Variants in PRKCQ observed in about 807,000 individuals in gnomAD.
PRKCQ encodes protein kinase C theta type.
In PRKCQ, 41 loss-of-function variants were observed where a neutral mutation model predicts 91.2. The ratio of observed to expected loss-of-function variants is 0.45; its 90% confidence interval spans 0.35 to 0.58. The LOEUF (loss-of-function observed/expected upper bound fraction) is 0.58, where lower values mean the gene tolerates loss of function less well. PRKCQ is among the 20% of genes least tolerant of loss of function. PRKCQ has a pLI of 0.00. For missense variants in PRKCQ, 673 were observed against 896.5 expected (o/e 0.75, Z 3.18); for synonymous variants, 307 against 316.9 (o/e 0.97, Z 0.33).
intron 15 of PRKCQ, among the ~76,000 whole-genome samples, chr10:6,455,435 A>C (rs921046594): frequency 6.6e-6 from 1 of 152,212 alleles, no homozygotes; most frequent in Non-Finnish European, 1.5e-5. Flanking sequence ...ATATCACCCA[A>C]CCACAGGGCA....
rs752305974 is a variant in PRKCQ at position 6,464,296 on chromosome 10, C to G, written c.1445+17G>C. ...CAAGAACAGTGGAAAACTCCCAAAC[C>G]CTTTAAAGCCTCTTACGTCGCTCTG... is the stretch of plus-strand genomic sequence containing the variant. On this transcript the variant is annotated intron_variant, in intron 13 of 17. Coordinates refer to ENST00000263125, the MANE Select transcript of PRKCQ (RefSeq NM_006257.5). 9.3e-6 allele frequency: 15 copies of G among 1,605,872 alleles called. No homozygotes were observed. Among genetic ancestry groups the G allele is most frequent in the Middle Eastern group, 3.3e-4 (2 of 6,034 alleles).
chr10:6,472,764 G>A (rs533995882), intron 12 of PRKCQ, among the ~76,000 whole-genome samples: 1 of 152,210 alleles, frequency 6.6e-6, no homozygotes, highest in African/African-American at 2.4e-5. Flanking sequence ...CCATGCTGGA[G>A]TGCAGTGGTG....
At chr10:6,394,329 C>T in the PRKCQ span, among the ~76,000 whole-genome samples, 3 of 152,234 alleles carry the variant, frequency 2.0e-5, no homozygotes, top group South Asian at 6.2e-4. Flanking sequence ...TCTGCTTGTG[C>T]ATTCACAGGG....
At chr10:6,460,334 T>C (rs954490137) in intron 14 of PRKCQ, among the ~76,000 whole-genome samples, 4 of 151,984 alleles carry the variant, frequency 2.6e-5, no homozygotes, top group Non-Finnish European at 5.9e-5. Context: ...ATAATTTACA[T>C]GGTGACATGA....
At chr10:6,534,866 C>T (rs990210393) in intron 1 of PRKCQ, among the ~76,000 whole-genome samples, 23 of 149,884 alleles carry the variant, frequency 1.5e-4, no homozygotes, top group African/African-American at 5.4e-4. Flanking sequence ...GAGTAAAATG[C>T]TATCTTTCAG....
intron 1 of PRKCQ, 43 bp downstream of exon 1, chr10:6,580,168 A>G (rs1841415931): frequency 6.5e-6 from 1 of 152,758 alleles, no homozygotes; most frequent in Admixed American, 6.5e-5. Context: ...CGGCCCCTCC[A>G]GCCCGCTCCC....
Position 6,495,583 on chromosome 10 carries a change from A to G in PRKCQ, c.660+1452T>C, listed in dbSNP as rs148260223. Among the ~76,000 whole-genome samples the G allele has an allele frequency of 2.9e-3, 445 of 152,342 alleles. 2 individuals are homozygous for G. Among genetic ancestry groups the G allele is most frequent in the African/African-American group, 0.01 (425 of 41,578 alleles). On this transcript the variant is annotated intron_variant, in intron 7 of 17. Coordinates refer to ENST00000263125, the MANE Select transcript of PRKCQ (RefSeq NM_006257.5). ...GTTCACTATCTTTGTAGCACTTAAT[A>G]TAAATCGAAGCCATACATAGCTGTT...
intron 1 of PRKCQ, among the ~76,000 whole-genome samples, chr10:6,555,737 C>T (rs11259545): frequency 9.3e-4 from 141 of 152,014 alleles, no homozygotes; most frequent in Middle Eastern, 3.4e-3. Flanking sequence ...CAGGTGGGCA[C>T]GGTAGCTCAC....
At chr10:6,442,165 A>C in intron 15 of PRKCQ, 84 bp from the exon 16 acceptor site, 1 of 1,346,048 alleles carries the variant, frequency 7.4e-7, no homozygotes, top group Non-Finnish European at 1.0e-6. Flanking sequence ...AAGGCCACTC[A>C]GTAAATGGTC....
At chr10:6,483,102 G>C (rs1836701720) in intron 11 of PRKCQ, among the ~76,000 whole-genome samples, 1 of 152,176 alleles carries the variant, frequency 6.6e-6, no homozygotes, top group African/African-American at 2.4e-5. Context: ...AGCAAAAGAA[G>C]AGAAAACAAA....
chr10:6,494,254 C>T (rs575428734), intron 7 of PRKCQ, among the ~76,000 whole-genome samples: 43 of 152,194 alleles, frequency 2.8e-4, no homozygotes, highest in Non-Finnish European at 5.0e-4. Flanking sequence ...GGACCAGTCT[C>T]CACCAGAGCT....
intron 1 of PRKCQ, among the ~76,000 whole-genome samples, chr10:6,523,920 T>C (rs1468535594): frequency 6.6e-6 from 1 of 152,142 alleles, no homozygotes; most frequent in African/African-American, 2.4e-5. Context: ...TCCCAGCTTC[T>C]TAACCTGTTA....
chr10:6,414,638 G>A, the PRKCQ span, among the ~76,000 whole-genome samples: 2 of 152,120 alleles, frequency 1.3e-5, no homozygotes, highest in Admixed American at 1.3e-4. Context: ...AGTTCTAGAG[G>A]TGAAAACTAT....
In PRKCQ at chr10:6,428,048, T is replaced by TCCCC; in HGVS notation, c.*158_*159insGGGG. ...CGTCATTAGTGAAGTAGACTTGGTT[T>TCCCC]CTGCTACAGATAAAAGTCACATGGG... On this transcript the variant is annotated 3_prime_UTR_variant, in exon 18 of 18. Transcript: ENST00000263125. 1.2e-6 allele frequency: 1 copy of TCCCC among 844,800 alleles called. No individual in the cohort carries two copies. Among genetic ancestry groups the TCCCC allele is most frequent in the Non-Finnish European group, 1.8e-6 (1 of 550,294 alleles). The allele number at this position is 844,800 out of a possible 1,614,324, so 52.3% of individuals were successfully genotyped here.
At chr10:6,421,174 T>A in the PRKCQ span, among the ~76,000 whole-genome samples, 1 of 152,168 alleles carries the variant, frequency 6.6e-6, no homozygotes, top group African/African-American at 2.4e-5. The surrounding 1 kb of genome is among the most constrained non-coding windows in gnomAD (Gnocchi z 4.1). Flanking sequence ...AATACATCCT[T>A]AGTGTTTCTG....
chr10:6,494,623 A>G (rs1169345409), intron 7 of PRKCQ, among the ~76,000 whole-genome samples: 1 of 152,106 alleles, frequency 6.6e-6, no homozygotes, highest in Non-Finnish European at 1.5e-5. Flanking sequence ...CTGTAACTTC[A>G]TAGACTCTGG....
At chr10:6,522,103 G>A (rs1163478568) in intron 1 of PRKCQ, among the ~76,000 whole-genome samples, 3 of 152,012 alleles carry the variant, frequency 2.0e-5, no homozygotes, top group Non-Finnish European at 2.9e-5. Context: ...CACCACGCCC[G>A]GCTAAGTTTT....
At chr10:6,514,958 C>A (rs1334171642) in intron 2 of PRKCQ, 60 bp downstream of exon 2, 1 of 1,608,940 alleles carries the variant, frequency 6.2e-7, no homozygotes, top group Admixed American at 1.7e-5. Context: ...TTGCTTCATA[C>A]ACAGTTCATA....
At chr10:6,404,432 CTCTCTTTCTT>C in the PRKCQ span, among the ~76,000 whole-genome samples, 1 of 107,460 alleles carries the variant, frequency 9.3e-6, no homozygotes, top group Non-Finnish European at 2.4e-5. Flanking sequence ...CTCTTTCTTT[CTCTCTTTCTT>C]TCTCTTTCCT....
Sources: gnomAD v4.1 joint callset for allele counts (sites outside exome capture counted in the v4.1 genomes callset) on GRCh38, gnomAD v4.1.1 for gene constraint, Gnocchi (gnomAD v3.1) non-coding constraint, MANE v1.5 for transcripts, NCBI Gene and HGNC (gene_info 2026-07-23, HGNC 2026-07-21) for gene names.